The following EPB41L4B variants were observed in gnomAD, a reference collection of about 807,000 sequenced individuals.
The protein encoded by EPB41L4B is erythrocyte membrane protein band 4.1 like 4B.
EPB41L4B carries 30 observed loss-of-function variants against 112.5 expected under a neutral mutation model. That is an observed-to-expected ratio of 0.27 (90% CI 0.20 to 0.36). The LOEUF (loss-of-function observed/expected upper bound fraction) is 0.36. EPB41L4B is among the 10% of genes least tolerant of loss of function. The probability of loss-of-function intolerance (pLI) is 1.00; values close to 1 mark genes in which losing one functional copy is unlikely to be tolerated. For missense variants in EPB41L4B, 1,024 were observed against 1,133.3 expected (o/e 0.90, Z 1.38); for synonymous variants, 408 against 439.7 (o/e 0.93, Z 0.90).
chr9:109,240,013 A>C, intron 15 of EPB41L4B: 1 of 985,440 alleles, frequency 1.0e-6, no homozygotes, highest in South Asian at 4.7e-5. Context: ...GCCTCATTCT[A>C]GGATGATCTT....
chr9:109,213,833 G>A lies in EPB41L4B; in HGVS notation c.1634-15C>T, dbSNP rs1833270005. ...TGGACTCAGTTCTACAAAGCAGCCA[G>A]GAGAAATAAATAAGGAAAGGTTGAA... On this transcript the variant is annotated splice_polypyrimidine_tract_variant and intron_variant, in intron 16 of 25. Coordinates refer to ENST00000374566, the MANE Select transcript of EPB41L4B (RefSeq NM_019114.5). 2 of 1,609,086 alleles carry A rather than the reference G, an allele frequency of 1.2e-6. No individual in the cohort carries two copies. Among genetic ancestry groups the A allele is most frequent in the South Asian group, 1.1e-5 (1 of 90,980 alleles).
intron 1 of EPB41L4B, among the ~76,000 whole-genome samples, chr9:109,318,392 A>G (rs1456328129): frequency 1.3e-5 from 2 of 152,054 alleles, no homozygotes; most frequent in African/African-American, 2.4e-5. Context: ...TCCTGTCCCA[A>G]CCTGTTCGTT....
chr9:109,226,116 T>C (rs1833750442), intron 15 of EPB41L4B, among the ~76,000 whole-genome samples: 1 of 152,172 alleles, frequency 6.6e-6, no homozygotes, highest in South Asian at 2.1e-4. Flanking sequence ...TCCTGAGTGC[T>C]CTCAGATCCT....
intron 1 of EPB41L4B, among the ~76,000 whole-genome samples, chr9:109,296,677 G>C (rs1172742762): frequency 6.6e-6 from 1 of 151,938 alleles, no homozygotes; most frequent in Non-Finnish European, 1.5e-5. Context: ...CTTGAGGCCA[G>C]GAATTCAAGA....
intron 11 of EPB41L4B, among the ~76,000 whole-genome samples, chr9:109,255,052 C>T (rs570404115): frequency 1.3e-5 from 2 of 152,308 alleles, no homozygotes; most frequent in South Asian, 2.1e-4. Flanking sequence ...AATCAACCTA[C>T]CTTATTAAGG....
chr9:109,227,464 A>C (rs559248705), intron 15 of EPB41L4B, among the ~76,000 whole-genome samples: 3 of 152,322 alleles, frequency 2.0e-5, no homozygotes, highest in African/African-American at 7.2e-5. Flanking sequence ...AGATCTTTTA[A>C]AATGTCCTTC....
chr9:109,219,559 A>G (rs916290775), intron 15 of EPB41L4B, among the ~76,000 whole-genome samples: 2 of 152,010 alleles, frequency 1.3e-5, no homozygotes, highest in African/African-American at 2.4e-5. Context: ...ATGGGGTTTC[A>G]CCGTGTTAGC....
intron 15 of EPB41L4B, among the ~76,000 whole-genome samples, chr9:109,228,661 T>C (rs921267908): frequency 6.6e-6 from 1 of 152,200 alleles, no homozygotes; most frequent in Non-Finnish European, 1.5e-5. Flanking sequence ...AAAAGTCAGG[T>C]AGCTCTGTTT....
intron 15 of EPB41L4B, among the ~76,000 whole-genome samples, chr9:109,228,355 G>A (rs751779719): frequency 6.6e-5 from 10 of 152,066 alleles, no homozygotes; most frequent in Admixed American, 4.6e-4. Flanking sequence ...CAGCTTATCA[G>A]CCTAGTTTTT....
intron 15 of EPB41L4B, among the ~76,000 whole-genome samples, chr9:109,217,716 G>T (rs145392312): frequency 6.6e-6 from 1 of 152,164 alleles, no homozygotes; most frequent in Non-Finnish European, 1.5e-5. Context: ...GGGCCACAGG[G>T]ATATGACACC....
chr9:109,175,468 A>AAC (rs59210551), intron 25 of EPB41L4B, among the ~76,000 whole-genome samples: 10,775 of 129,238 alleles, frequency 0.083, 475 homozygotes, highest in East Asian at 0.11. Context: ...CCACTGTTTA[A>AAC]ACACACACAC....
chr9:109,198,017 A>G (rs1832703974), intron 20 of EPB41L4B, among the ~76,000 whole-genome samples: 1 of 152,188 alleles, frequency 6.6e-6, no homozygotes, highest in Non-Finnish European at 1.5e-5. Flanking sequence ...GCAAACTGTC[A>G]TGGCTTAATT....
intron 15 of EPB41L4B, among the ~76,000 whole-genome samples, chr9:109,228,068 A>G (rs553161682): frequency 1.3e-5 from 2 of 152,202 alleles, no homozygotes; most frequent in African/African-American, 4.8e-5. Context: ...GGCTTGTTCC[A>G]CTGGTAAGGT....
At chr9:109,305,446 C>A (rs970602387) in intron 1 of EPB41L4B, among the ~76,000 whole-genome samples, 1 of 151,970 alleles carries the variant, frequency 6.6e-6, no homozygotes, top group Non-Finnish European at 1.5e-5. Context: ...TGGTGAAACC[C>A]GGTCTCTACT....
intron 1 of EPB41L4B, chr9:109,307,163 T>G (rs1837240144): frequency 2.3e-6 from 1 of 432,108 alleles, no homozygotes; most frequent in Non-Finnish European, 4.5e-6. Context: ...AAACGACATG[T>G]TACAGTAATT....
At chr9:109,305,848 C>T (rs887107037) in intron 1 of EPB41L4B, among the ~76,000 whole-genome samples, 4 of 152,024 alleles carry the variant, frequency 2.6e-5, no homozygotes, top group African/African-American at 4.8e-5. Context: ...CGCTTGAATG[C>T]GGGAGGTAGA....
At chr9:109,224,285 C>G (rs1323860513) in intron 15 of EPB41L4B, among the ~76,000 whole-genome samples, 6 of 152,022 alleles carry the variant, frequency 3.9e-5, no homozygotes, top group Non-Finnish European at 7.4e-5. Flanking sequence ...GTAGAAACAC[C>G]CCAAATATCC....
intron 1 of EPB41L4B, among the ~76,000 whole-genome samples, chr9:109,294,668 G>A (rs1215060418): frequency 5.1e-5 from 5 of 97,440 alleles, no homozygotes; most frequent in African/African-American, 2.5e-4. Context: ...TAATGATATT[G>A]TGGCTGTGTG....
At chr9:109,286,189 A>ATGGG (rs1588210273) in intron 1 of EPB41L4B, among the ~76,000 whole-genome samples, 7 of 150,296 alleles carry the variant, frequency 4.7e-5, no homozygotes, top group South Asian at 2.1e-4. Context: ...GGATGGATGG[A>ATGGG]TGGGTGGATG....
Sources: gnomAD v4.1 joint callset for allele counts (sites outside exome capture counted in the v4.1 genomes callset) on GRCh38, gnomAD v4.1.1 for gene constraint, MANE v1.5 for transcripts, NCBI Gene and HGNC (gene_info 2026-07-23, HGNC 2026-07-21) for gene names.